The following CHAT variants were observed in gnomAD, a reference collection of about 807,000 sequenced individuals.
CHAT encodes the protein choline O-acetyltransferase, also known as acetyl CoA:choline O-acetyltransferase.
A neutral mutation model predicts 76.9 loss-of-function variants in CHAT; 61 were observed. That is an observed-to-expected ratio of 0.79 (90% CI 0.65 to 0.98). CHAT has a LOEUF of 0.98. Ranked by LOEUF, CHAT falls within the 50% of genes least tolerant of loss-of-function variation. The pLI, the probability that CHAT is intolerant of heterozygous loss-of-function variation, is 0.00. For synonymous variants in CHAT, 407 were observed against 397.4 expected, an observed-to-expected ratio of 1.02 and a Z score of -0.29; for missense variants, 946 against 986.9, an observed-to-expected ratio of 0.96 and a Z score of 0.56.
At chr10:49,639,916 C>T (rs1839424095) in intron 7 of CHAT, among the ~76,000 whole-genome samples, 1 of 152,110 alleles carries the variant, frequency 6.6e-6, no homozygotes, top group Non-Finnish European at 1.5e-5. Context: ...CAGTGTTATT[C>T]CGTCTTCAAG....
chr10:49,648,310 G>A (rs534171926), intron 8 of CHAT, among the ~76,000 whole-genome samples, 197 bp from the exon 9 acceptor site: 39 of 152,310 alleles, frequency 2.6e-4, no homozygotes, highest in African/African-American at 8.4e-4. Flanking sequence ...GAAAGAGGTC[G>A]TGAGTGCAGA....
At chr10:49,662,340 G>A (rs149000609) in intron 13 of CHAT, among the ~76,000 whole-genome samples, 4 of 152,356 alleles carry the variant, frequency 2.6e-5, no homozygotes, top group South Asian at 2.1e-4. Flanking sequence ...AGAACCAGGC[G>A]GATATAGTTG....
chr10:49,611,090 C>T (rs200894047), upstream of CHAT: 41 of 1,613,942 alleles, frequency 2.5e-5, no homozygotes, highest in Non-Finnish European at 3.2e-5. Flanking sequence ...CGCTACCCTA[C>T]GGAGAGCGAA....
At chr10:49,636,108 T>C (rs1399691935) in intron 7 of CHAT, among the ~76,000 whole-genome samples, 1 of 152,216 alleles carries the variant, frequency 6.6e-6, no homozygotes, top group Non-Finnish European at 1.5e-5. Context: ...AAAACTCAAT[T>C]ATAGTCTTTC....
chr10:49,610,778 C>A, upstream of CHAT: 2 of 1,564,712 alleles, frequency 1.3e-6, no homozygotes, highest in Non-Finnish European at 1.7e-6. Flanking sequence ...GCCCGGGCGG[C>A]GGCCACCAAG....
Position 49,662,739 on chromosome 10 carries a change from A to G in CHAT, c.1934A>G (p.Glu645Gly), listed in dbSNP as rs375665108. 2.5e-6 allele frequency: 4 copies of G among 1,614,104 alleles called. No homozygotes were observed. In the African/African-American group the frequency reaches 5.3e-5, roughly 22 times the overall value. The change falls in exon 14 of 15, where the codon GAA becomes GGA. Residue 645 changes from glutamate (E) to glycine (G), a missense_variant. Glu to Gly is a moderately conservative substitution (Grantham distance 98). This residue lies in a region of CHAT where 349 missense variants were observed against 393.9 expected (regional missense o/e 0.89). Transcript: ENST00000337653. ...GAGCTGCCCGAGATGTTCATGGATG[A>G]AACCTACCTGATGAGCAACCGGTTT... ...CKELPEMFMD[E>G]TYLMSNRFVL... is the part of the protein sequence containing the mutation.
At chr10:49,651,852 C>T in intron 10 of CHAT, 32 bp from the exon 11 acceptor site, 2 of 1,604,722 alleles carry the variant, frequency 1.2e-6, no homozygotes, top group Non-Finnish European at 1.7e-6. Context: ...GTTTTGCATG[C>T]AATAAAAACA....
upstream of CHAT, among the ~76,000 whole-genome samples, chr10:49,613,631 C>A (rs1590548812): frequency 6.6e-6 from 1 of 152,202 alleles, no homozygotes; most frequent in Middle Eastern, 3.4e-3. Context: ...TGGGCGGAGT[C>A]TGCCTTTGTC....
Position 49,665,216 on chromosome 10 carries a change from C to T in CHAT, c.*170C>T, listed in dbSNP as rs1172627527. ...AGCCGGAGTGTTAGGAGGAAAGGGT[C>T]CCCTCTTCATGCATGGGAATCATCA... is the stretch of plus-strand genomic sequence containing the variant. On this transcript the variant is annotated 3_prime_UTR_variant, in exon 15 of 15. Coordinates refer to ENST00000337653, the MANE Select transcript of CHAT (RefSeq NM_020549.5). 6.6e-6 allele frequency: 5 copies of T among 754,750 alleles called. No individual in the cohort carries two copies. The East Asian group carries it at 1.3e-4, about 20-fold the overall frequency. 46.8% of individuals were successfully genotyped at this position (754,750 alleles called of 1,614,324 possible). A position where few individuals can be genotyped will look rare whatever the true frequency, so the allele number is the denominator to read the frequency against.
chr10:49,654,900 G>A (rs1839984183), intron 11 of CHAT, among the ~76,000 whole-genome samples, 195 bp from the exon 12 acceptor site: 1 of 152,038 alleles, frequency 6.6e-6, no homozygotes, highest in Admixed American at 6.5e-5. Context: ...AAGCAAACGT[G>A]GCTCTCCATG....
At chr10:49,609,652 G>A (rs150036809), upstream of CHAT, among the ~76,000 whole-genome samples, 221 of 152,192 alleles carry the variant, frequency 1.5e-3, no homozygotes, top group Non-Finnish European at 2.3e-3. Flanking sequence ...CGCGATTCGC[G>A]GCCGAGAAAT....
chr10:49,612,012 C>T, upstream of CHAT: 2 of 1,613,756 alleles, frequency 1.2e-6, no homozygotes, highest in Non-Finnish European at 8.5e-7. Context: ...ACGCCATCGC[C>T]GACATCTCCT....
chr10:49,625,567 C>G lies in CHAT; in HGVS notation c.847C>G (p.Pro283Ala), dbSNP rs1326545990. The G allele has an allele frequency of 2.5e-6, 4 of 1,612,412 alleles. No individual in the cohort carries two copies. In the African/African-American group the frequency reaches 5.3e-5, roughly 22 times the overall value. The change falls in exon 6 of 15, where the codon CCC becomes GCC. Residue 283 changes from proline to alanine, a missense_variant. Transcript: ENST00000337653. Reference protein sequence around the residue: ...YYGLFSSYRLPGHTQDTLVAQ... With the variant: ...YYGLFSSYRLAGHTQDTLVAQ... ...TGGGCTCTTCTCCTCCTACCGGCTC[C>G]CCGGCCATACCCAGGACACGCTGGT...
At chr10:49,609,777 G>A (rs1838240305), upstream of CHAT, among the ~76,000 whole-genome samples, 1 of 152,128 alleles carries the variant, frequency 6.6e-6, no homozygotes, top group Non-Finnish European at 1.5e-5. Flanking sequence ...AGAAAGGGTT[G>A]GGGGTGTCCG....
At chr10:49,624,668 G>T (rs1334409117) in intron 5 of CHAT, among the ~76,000 whole-genome samples, 1 of 152,164 alleles carries the variant, frequency 6.6e-6, no homozygotes, top group East Asian at 1.9e-4. Context: ...TGGCCTATAC[G>T]GAGGACGTGC....
chr10:49,655,155 A>G lies in CHAT; in HGVS notation c.1695A>G (p.Gly565=), dbSNP rs1839993952. 3.7e-6 allele frequency: 6 copies of G among 1,613,818 alleles called. No homozygotes were observed. The highest frequency in any genetic ancestry group is 5.1e-6 in the Non-Finnish European group (6 of 1,179,984). The change falls in exon 12 of 15, where the codon GGA becomes GGG. Residue 565 remains glycine, a synonymous_variant. Coordinates refer to ENST00000337653, the MANE Select transcript of CHAT (RefSeq NM_020549.5). ...CGTCCATCCGCCGATTCCAGGAGGG[A>G]CGCGTGGACAACATCAGATCGGCCA... The part of the protein sequence containing the change: ...ESASIRRFQE[G]RVDNIRSATP...
intron 2 of CHAT, among the ~76,000 whole-genome samples, chr10:49,617,404 C>T (rs1020330981): frequency 6.6e-6 from 1 of 152,220 alleles, no homozygotes; most frequent in African/African-American, 2.4e-5. Context: ...CAGGATCTGA[C>T]TCACATGAAC....
At chr10:49,664,580 G>C (rs1382291934) in intron 14 of CHAT, among the ~76,000 whole-genome samples, 197 bp from the exon 15 acceptor site, 1 of 152,190 alleles carries the variant, frequency 6.6e-6, no homozygotes, top group Non-Finnish European at 1.5e-5. Flanking sequence ...GTGGGCTTGG[G>C]GCCCCTCATC....
At chr10:49,658,942 C>T (rs929905524) in intron 13 of CHAT, among the ~76,000 whole-genome samples, 2 of 151,980 alleles carry the variant, frequency 1.3e-5, no homozygotes, top group Non-Finnish European at 2.9e-5. Context: ...CCCAAAATAT[C>T]AACACAATAA....
Sources: allele counts gnomAD v4.1 joint callset (sites outside exome capture counted in the v4.1 genomes callset), GRCh38; gene constraint gnomAD v4.1.1; regional missense constraint gnomAD v4.1.1; transcripts MANE v1.5; gene names NCBI Gene and HGNC (gene_info 2026-07-23, HGNC 2026-07-21).